The following STAT5B variants were observed in gnomAD, a reference collection of about 807,000 sequenced individuals.
STAT5B encodes transcription factor STAT5B.
Under a neutral mutation model 107.8 loss-of-function variants are expected in STAT5B, and 21 were observed. The observed-to-expected ratio is 0.19, with a 90% CI of 0.14 to 0.28. The LOEUF (loss-of-function observed/expected upper bound fraction) is 0.28, where lower values mean the gene tolerates loss of function less well. Among genes scored for constraint, STAT5B ranks in the 10% least tolerant of loss-of-function variants. The pLI is 1.00. For missense variants in STAT5B, 565 were observed against 1,008.2 expected (o/e 0.56, Z 5.95); for synonymous variants, 325 against 401.7 (o/e 0.81, Z 2.28).
chr17:42,201,519 A>AACACGCACACACACACACAC lies in STAT5B; in HGVS notation c.*199_*218dup. 1 of 629,080 alleles carries AACACGCACACACACACACAC rather than the reference A, an allele frequency of 1.6e-6. No homozygotes were observed. The highest frequency in any genetic ancestry group is 2.9e-6 in the Non-Finnish European group (1 of 347,756). The allele number at this position is 629,080 out of a possible 1,614,324, so 39.0% of individuals were successfully genotyped here. ...AGAGGGAGAAACACCATAACGTGCA[A>AACACGCACACACACACACAC]ACACGCACACACACACACACACACA... On this transcript the variant is annotated 3_prime_UTR_variant, in exon 19 of 19. Transcript: ENST00000293328.
At chr17:42,284,730 C>G in the STAT5B span, among the ~76,000 whole-genome samples, 1 of 152,332 alleles carries the variant, frequency 6.6e-6, no homozygotes, top group South Asian at 2.1e-4. Flanking sequence ...CCCAGGGAGG[C>G]CTCTTCACTC....
intron 15 of STAT5B, among the ~76,000 whole-genome samples, chr17:42,207,950 A>G (rs961958677): frequency 1.3e-5 from 2 of 152,178 alleles, no homozygotes; most frequent in East Asian, 1.9e-4. Flanking sequence ...GTTGGAGTGC[A>G]GTGGTGCGAT....
At chr17:42,210,853 T>C (rs1328489107) in intron 13 of STAT5B, among the ~76,000 whole-genome samples, 1 of 152,024 alleles carries the variant, frequency 6.6e-6, no homozygotes, top group East Asian at 1.9e-4. Flanking sequence ...AAATTAAACA[T>C]TTAAAACACC....
chr17:42,211,020 G>A (rs982215943), intron 13 of STAT5B, among the ~76,000 whole-genome samples: 2 of 151,864 alleles, frequency 1.3e-5, no homozygotes, highest in African/African-American at 4.8e-5. Context: ...GGCCAACATG[G>A]TGAAACCCCG....
At chr17:42,229,052 C>T (rs962254317) in intron 2 of STAT5B, among the ~76,000 whole-genome samples, 4 of 152,202 alleles carry the variant, frequency 2.6e-5, no homozygotes, top group African/African-American at 9.6e-5. Flanking sequence ...TATGTGTGCC[C>T]TATGTATTAA....
the STAT5B span, among the ~76,000 whole-genome samples, chr17:42,286,233 C>CAAAA: frequency 9.5e-5 from 5 of 52,380 alleles, no homozygotes; most frequent in East Asian, 5.3e-4. Flanking sequence ...AACTCCATCT[C>CAAAA]AAAAAAAAAA....
chr17:42,281,649 G>A (rs1326738206), upstream of STAT5B, among the ~76,000 whole-genome samples: 1 of 152,210 alleles, frequency 6.6e-6, no homozygotes, highest in African/African-American at 2.4e-5. Flanking sequence ...ATGTGCAGGT[G>A]CATGGAGGAC....
intron 1 of STAT5B, among the ~76,000 whole-genome samples, chr17:42,239,328 C>A (rs2080383538): frequency 6.6e-6 from 1 of 151,390 alleles, no homozygotes; most frequent in African/African-American, 2.4e-5. Context: ...AGGACTAAGC[C>A]AGCAGGGAGC....
upstream of STAT5B, among the ~76,000 whole-genome samples, chr17:42,277,758 CTTTT>C (rs796461733): frequency 7.1e-6 from 1 of 139,862 alleles, no homozygotes. Context: ...TTTTTCTTTT[CTTTT>C]TTTTTTTTTT....
At position 42,219,339 on chromosome 17, in the gene STAT5B, T is replaced by G. The variant is rs1018130718; in HGVS notation, c.806A>C (p.Glu269Ala). 6.8e-7 allele frequency: 1 copy of G among 1,461,188 alleles called. No individual in the cohort carries two copies. The highest frequency in any genetic ancestry group is 9.0e-7 in the Non-Finnish European group (1 of 1,108,902). The allele number at this position is 1,461,188 out of a possible 1,614,324, so 90.5% of individuals were successfully genotyped here. Residue 269 changes from glutamate to alanine, a missense_variant, in exon 7 of 19, where the codon GAG becomes GCG. Coordinates refer to ENST00000293328, the MANE Select transcript of STAT5B (RefSeq NM_012448.4). The stretch of plus-strand genomic sequence containing the variant: ...GGACTGTAGCACGTCCAGGCTGCCC[T>G]CGGGGGGCCCGCCGTTCCCGGCCAG... ...QQLAGNGGPPEGSLDVLQSWC... is the reference protein window; with the variant it reads ...QQLAGNGGPPAGSLDVLQSWC...
intron 18 of STAT5B, 129 bp downstream of exon 18, chr17:42,202,211 C>T (rs773253959): frequency 2.0e-5 from 22 of 1,127,628 alleles, no homozygotes; most frequent in South Asian, 4.2e-5. Flanking sequence ...GGCCAGAGCC[C>T]GGGCCAGGGC....
intron 3 of STAT5B, among the ~76,000 whole-genome samples, chr17:42,225,201 C>A (rs2080263198): frequency 6.6e-6 from 1 of 151,946 alleles, no homozygotes; most frequent in South Asian, 2.1e-4. Context: ...ATTACAGGGG[C>A]CCGCCACCAC....
At chr17:42,276,695 T>G (rs1299105665), upstream of STAT5B, 1 of 151,642 alleles carries the variant, frequency 6.6e-6, no homozygotes, top group East Asian at 1.9e-4. The surrounding 1 kb of genome is among the most constrained non-coding windows in gnomAD (Gnocchi z 4.8). Context: ...CGCAAGCACA[T>G]GCTGCTTTGT....
At chr17:42,285,281 G>C in the STAT5B span, among the ~76,000 whole-genome samples, 1 of 152,004 alleles carries the variant, frequency 6.6e-6, no homozygotes, top group East Asian at 1.9e-4. Context: ...TAGTAGACAC[G>C]AGGTTTCACC....
At chr17:42,224,721 G>T in intron 4 of STAT5B, 58 bp downstream of exon 4, 1 of 1,565,006 alleles carries the variant, frequency 6.4e-7, no homozygotes, top group South Asian at 1.1e-5. Context: ...TGGGTCCAGA[G>T]GGAGGTGGGT....
In STAT5B at chr17:42,227,634, G is replaced by C. The variant is rs200624718; in HGVS notation, c.180C>G (p.Leu60=). Residue 60 remains leucine (L), a synonymous_variant, in exon 3 of 19, where the codon CTC becomes CTG. Transcript: ENST00000293328. The part of the protein sequence containing the change: ...NPQENIKATQ[L]LEGLVQELQK... Reference sequence around the variant, plus strand: ...GCAGCTCCTGCACCAGGCCCTCCAGGAGCTGGGTGGCCTTAATGTTCTCCT... The same window carrying C: ...GCAGCTCCTGCACCAGGCCCTCCAGCAGCTGGGTGGCCTTAATGTTCTCCT... The C allele has an allele frequency of 1.5e-5, 24 of 1,614,044 alleles. No homozygotes were observed. The East Asian group carries it at 5.3e-4, about 36-fold the overall frequency.
At chr17:42,284,546 C>T in the STAT5B span, among the ~76,000 whole-genome samples, 10 of 152,232 alleles carry the variant, frequency 6.6e-5, no homozygotes, top group African/African-American at 2.4e-4. Context: ...GGACTACAGG[C>T]GTGAGCCACC....
At chr17:42,285,285 T>A in the STAT5B span, among the ~76,000 whole-genome samples, 1 of 151,972 alleles carries the variant, frequency 6.6e-6, no homozygotes, top group African/African-American at 2.4e-5. Context: ...AGACACGAGG[T>A]TTCACCATGT....
intron 15 of STAT5B, among the ~76,000 whole-genome samples, chr17:42,209,160 G>A (rs2080109228): frequency 6.6e-6 from 1 of 151,642 alleles, no homozygotes; most frequent in Admixed American, 6.6e-5. Context: ...TCACCCTCCA[G>A]AGTAGCTGGG....
Sources: gnomAD v4.1 joint callset for allele counts (sites outside exome capture counted in the v4.1 genomes callset) on GRCh38, gnomAD v4.1.1 for gene constraint, Gnocchi (gnomAD v3.1) non-coding constraint, MANE v1.5 for transcripts, NCBI Gene and HGNC (gene_info 2026-07-23, HGNC 2026-07-21) for gene names.